The following ARID1A variants were observed in gnomAD, a reference collection of about 807,000 sequenced individuals.
ARID1A encodes the protein AT-rich interactive domain-containing protein 1A.
In ARID1A, 20 loss-of-function variants were observed where a neutral mutation model predicts 212.6. The observed-to-expected ratio is 0.09, with a 90% CI of 0.07 to 0.14. ARID1A has a LOEUF of 0.14. Ranked by LOEUF, ARID1A falls within the 10% of genes least tolerant of loss-of-function variation. The pLI, the probability that ARID1A is intolerant of heterozygous loss-of-function variation, is 1.00. For missense variants in ARID1A, 2,587 were observed against 3,059.0 expected (o/e 0.85, Z 3.64); for synonymous variants, 1,376 against 1,222.1 (o/e 1.13, Z -2.63).
rs1356967772 is a variant in ARID1A, at chr1:26,726,175, T to TG, written c.1138-3476_1138-3475insG. ...CCAGCCTTGGGTTTGTTTTTTTTTGTTTTTTTTTTTTTTTTGAGACAGACT... is the reference window on the plus strand; with the variant it reads ...CCAGCCTTGGGTTTGTTTTTTTTTGTGTTTTTTTTTTTTTTTGAGACAGACT... On this transcript the variant is annotated intron_variant, in intron 1 of 19. Coordinates refer to ENST00000324856, the MANE Select transcript of ARID1A (RefSeq NM_006015.6). Among the ~76,000 whole-genome samples, 7 of 126,992 alleles carry TG rather than the reference T, an allele frequency of 5.5e-5. No individual in the cohort carries two copies. The East Asian group carries it at 2.0e-3, about 37-fold the overall frequency. The allele number at this position is 126,992 out of a possible 152,430, so 83.3% of individuals were successfully genotyped here. A position where few individuals can be genotyped will look rare whatever the true frequency, so the allele number is the denominator to read the frequency against.
intron 1 of ARID1A, chr1:26,728,992 C>T (rs2080646764): frequency 6.6e-6 from 1 of 152,062 alleles, no homozygotes; most frequent in Non-Finnish European, 1.5e-5. Flanking sequence ...TCCATGACAG[C>T]CTACCATTGA....
rs34618114 is a variant in ARID1A at position 26,771,828 on chromosome 1, G to A, written c.3406+502G>A. ...CTGAGAGGAGGCTGAGGCCTAGGGTGAGCCTAGAGAGGGAAGAAGGCCAGG... is the reference window on the plus strand; with the variant it reads ...CTGAGAGGAGGCTGAGGCCTAGGGTAAGCCTAGAGAGGGAAGAAGGCCAGG... On this transcript the variant is annotated intron_variant, in intron 12 of 19. Transcript: ENST00000324856. This position sits in a 1 kb window ranked among gnomAD's most constrained non-coding sequence, Gnocchi z 5.4. 9,315 of 169,790 alleles carry A rather than the reference G, an allele frequency of 0.055. 349 individuals carry two copies. Among genetic ancestry groups the A allele is most frequent in the Non-Finnish European group, 0.078 (6,153 of 78,522 alleles). 10.5% of individuals were successfully genotyped at this position (169,790 alleles called of 1,614,324 possible). A position where few individuals can be genotyped will look rare whatever the true frequency, so the allele number is the denominator to read the frequency against.
chr1:26,711,961 A>G (rs1296945794), intron 1 of ARID1A, among the ~76,000 whole-genome samples: 1 of 152,064 alleles, frequency 6.6e-6, no homozygotes, highest in Non-Finnish European at 1.5e-5. Flanking sequence ...GCGCGCCTGT[A>G]GTCTCAGCTA....
chr1:26,726,459 GAC>G (rs1430852318), intron 1 of ARID1A, among the ~76,000 whole-genome samples: 5 of 152,194 alleles, frequency 3.3e-5, no homozygotes, highest in Non-Finnish European at 7.3e-5. Flanking sequence ...ACAGGCGTGA[GAC>G]ACTGCGCCCA....
At chr1:26,740,723 A>G (rs1224267231) in intron 4 of ARID1A, among the ~76,000 whole-genome samples, 1 of 152,228 alleles carries the variant, frequency 6.6e-6, no homozygotes, top group African/African-American at 2.4e-5. Context: ...GTATGCTTTG[A>G]AAACGGGAGA....
At chr1:26,698,703 C>T (rs926078565) in intron 1 of ARID1A, among the ~76,000 whole-genome samples, 1 of 152,144 alleles carries the variant, frequency 6.6e-6, no homozygotes, top group Non-Finnish European at 1.5e-5. Flanking sequence ...GTATAAATGA[C>T]TTCTTTGATG....
At chr1:26,749,077 A>G (rs1007247293) in intron 4 of ARID1A, among the ~76,000 whole-genome samples, 2 of 152,140 alleles carry the variant, frequency 1.3e-5, no homozygotes, top group African/African-American at 2.4e-5. Flanking sequence ...AGGCAGGAGA[A>G]TGGTGTGAAC....
rs2081117461 is a variant in ARID1A at position 26,774,753 on chromosome 1, C to T, written c.4526C>T (p.Ala1509Val). Residue 1509 changes from alanine to valine, a missense_variant, in exon 18 of 20, where the codon GCC (alanine) becomes GTC (valine). Physicochemically the swap from Ala to Val is moderately conservative, Grantham distance 64 (BLOSUM62 0). Transcript: ENST00000324856. This position sits in a 1 kb window ranked among gnomAD's most constrained non-coding sequence, Gnocchi z 5.6. Reference protein sequence around the residue: ...QGRNDMTYNYANRQSTGSAPQ... With the variant: ...QGRNDMTYNYVNRQSTGSAPQ... The stretch of plus-strand genomic sequence containing the variant: ...CGTAATGACATGACCTATAATTATG[C>T]CAACAGGCAGAGCACGGGCTCTGCC... 2 of 1,614,142 alleles carry T rather than the reference C, an allele frequency of 1.2e-6. No homozygotes were observed. Among genetic ancestry groups the T allele is most frequent in the African/African-American group, 1.3e-5 (1 of 74,940 alleles).
chr1:26,715,020 T>G (rs977699542), intron 1 of ARID1A, among the ~76,000 whole-genome samples: 1 of 152,228 alleles, frequency 6.6e-6, no homozygotes, highest in Admixed American at 6.5e-5. Flanking sequence ...TTTGGCGGGA[T>G]ATAGAACTAT....
rs375688205 is a variant in ARID1A at position 26,737,833 on chromosome 1, C to T, written c.1920+5041C>T. ...TGAGCCAAGATGGTGCCATTACACT[C>T]CAGCCTGGGCTACAAGAGCGAAACT... is the stretch of plus-strand genomic sequence containing the variant. On this transcript the variant is annotated intron_variant, in intron 4 of 19. Coordinates refer to ENST00000324856, the MANE Select transcript of ARID1A (RefSeq NM_006015.6). 1.1e-4 allele frequency among the ~76,000 whole-genome samples: 17 copies of T among 151,728 alleles called. No homozygotes were observed. The East Asian group carries it at 2.5e-3, about 23-fold the overall frequency.
At chr1:26,746,169 G>A (rs2080833714) in intron 4 of ARID1A, among the ~76,000 whole-genome samples, 2 of 152,174 alleles carry the variant, frequency 1.3e-5, no homozygotes, top group Non-Finnish European at 2.9e-5. Flanking sequence ...TAGATTTCTA[G>A]GCAAAGTTAA....
At chr1:26,719,044 C>G (rs140576417) in intron 1 of ARID1A, among the ~76,000 whole-genome samples, 1 of 152,256 alleles carries the variant, frequency 6.6e-6, no homozygotes, top group Non-Finnish European at 1.5e-5. Context: ...GGGGGTACTC[C>G]TGTAGATCCA....
intron 4 of ARID1A, among the ~76,000 whole-genome samples, chr1:26,750,092 G>A (rs79303904): frequency 0.014 from 2,124 of 152,306 alleles, 50 homozygotes; most frequent in African/African-American, 0.048. Flanking sequence ...GAAAAAGGGC[G>A]GATAGAACAC....
intron 4 of ARID1A, among the ~76,000 whole-genome samples, chr1:26,753,423 C>G (rs1184088905): frequency 6.6e-6 from 1 of 152,230 alleles, no homozygotes; most frequent in Non-Finnish European, 1.5e-5. Flanking sequence ...TCTATCAGGT[C>G]ACATCCCAAA....
At chr1:26,778,764 G>A (rs1297636064) in intron 19 of ARID1A, 4 of 355,966 alleles carry the variant, frequency 1.1e-5, no homozygotes, top group Non-Finnish European at 1.0e-5. Flanking sequence ...GATTGGCCCT[G>A]GTGGGTGAGG....
chr1:26,777,034 T>A (rs530329349), intron 19 of ARID1A, among the ~76,000 whole-genome samples: 16 of 152,198 alleles, frequency 1.1e-4, no homozygotes, highest in African/African-American at 3.1e-4. Context: ...CTGTAAAGTT[T>A]AGGAATTTTT....
At chr1:26,707,395 G>A (rs1210000884) in intron 1 of ARID1A, among the ~76,000 whole-genome samples, 2 of 151,896 alleles carry the variant, frequency 1.3e-5, no homozygotes, top group African/African-American at 4.8e-5. Flanking sequence ...TTTTAGTAGA[G>A]ATGGGGTTTC....
chr1:26,763,836 T>G (rs1431065124), intron 8 of ARID1A, among the ~76,000 whole-genome samples: 2 of 152,196 alleles, frequency 1.3e-5, no homozygotes, highest in African/African-American at 2.4e-5. Flanking sequence ...TTCCCCAGGC[T>G]GAATTGCAGT....
chr1:26,715,372 G>T (rs1195241316), intron 1 of ARID1A, among the ~76,000 whole-genome samples: 1 of 152,172 alleles, frequency 6.6e-6, no homozygotes, highest in Non-Finnish European at 1.5e-5. Context: ...ATCACTTAAT[G>T]GTAGGTAATG....
Sources: allele counts gnomAD v4.1 joint callset (sites outside exome capture counted in the v4.1 genomes callset), GRCh38; gene constraint gnomAD v4.1.1; non-coding constraint Gnocchi (gnomAD v3.1); transcripts MANE v1.5; gene names NCBI Gene and HGNC (gene_info 2026-07-23, HGNC 2026-07-21).